The following RGS20 variants were observed in gnomAD, a reference collection of about 807,000 sequenced individuals.
RGS20 encodes regulator of G protein signaling 20.
A neutral mutation model predicts 33.6 loss-of-function variants in RGS20; 30 were observed. The observed-to-expected ratio is 0.89, with a 90% CI of 0.67 to 1.21. The LOEUF is 1.21. RGS20 is among the 50% of genes most tolerant of loss of function. The pLI is 0.00. For missense variants in RGS20, 472 were observed against 502.4 expected, an observed-to-expected ratio of 0.94 and a Z score of 0.58; for synonymous variants, 208 against 197.9, an observed-to-expected ratio of 1.05 and a Z score of -0.43.
In RGS20 at chr8:53,946,613, C is replaced by A. The variant is rs934033528; in HGVS notation, c.660-52C>A. 42 of 1,412,546 alleles carry A rather than the reference C, an allele frequency of 3.0e-5. No individual in the cohort carries two copies. In the Admixed American group the frequency reaches 7.3e-4, roughly 24 times the overall value. The allele number at this position is 1,412,546 out of a possible 1,614,324, so 87.5% of individuals were successfully genotyped here. ...TCTCTTTAAAGTATTTGTAAAAAAT[C>A]TTTTCTTGGCAGGGACTGAGCTGTC... On this transcript the variant is annotated intron_variant, in intron 3 of 5. Transcript: ENST00000297313.
chr8:53,906,773 A>T (rs146856003), intron 2 of RGS20, among the ~76,000 whole-genome samples: 204 of 152,342 alleles, frequency 1.3e-3, no homozygotes, highest in African/African-American at 4.4e-3. Flanking sequence ...TTTGTTCTTA[A>T]TGTGGAACAG....
intron 2 of RGS20, among the ~76,000 whole-genome samples, chr8:53,931,105 C>T (rs1384936984): frequency 6.6e-6 from 1 of 152,162 alleles, no homozygotes; most frequent in African/African-American, 2.4e-5. Context: ...CTGCCTCCAC[C>T]TTTTGGCTAA....
At chr8:53,941,221 C>T (rs1814288016) in intron 3 of RGS20, among the ~76,000 whole-genome samples, 1 of 152,178 alleles carries the variant, frequency 6.6e-6, no homozygotes, top group Non-Finnish European at 1.5e-5. Flanking sequence ...AAGACACTAT[C>T]ATCACCATCA....
intron 1 of RGS20, among the ~76,000 whole-genome samples, chr8:53,864,454 C>CA (rs1271350197): frequency 6.7e-6 from 1 of 148,798 alleles, no homozygotes; most frequent in African/African-American, 2.5e-5. Context: ...AAAAAAAACT[C>CA]AGATACTTTG....
At chr8:53,889,493 G>T (rs568871974) in intron 2 of RGS20, among the ~76,000 whole-genome samples, 2 of 124,658 alleles carry the variant, frequency 1.6e-5, no homozygotes, top group East Asian at 2.5e-4. Flanking sequence ...GAAGGCAGTG[G>T]CACAATTAGC....
intron 2 of RGS20, among the ~76,000 whole-genome samples, chr8:53,915,099 G>A (rs545415431): frequency 4.6e-5 from 7 of 151,676 alleles, no homozygotes; most frequent in South Asian, 2.1e-4. Flanking sequence ...AGCCGAGATC[G>A]CGCCACTGCA....
intron 1 of RGS20, among the ~76,000 whole-genome samples, chr8:53,854,098 A>C (rs1811623163): frequency 6.6e-6 from 1 of 152,210 alleles, no homozygotes; most frequent in Non-Finnish European, 1.5e-5. Context: ...ACATGGGCTT[A>C]AATTTACAAC....
chr8:53,879,936 C>A, intron 2 of RGS20: 1 of 295,918 alleles, frequency 3.4e-6, no homozygotes. Flanking sequence ...TACTCCGAGC[C>A]TCCCCCAAAC....
At chr8:53,908,367 C>T (rs1026068690) in intron 2 of RGS20, among the ~76,000 whole-genome samples, 12 of 152,068 alleles carry the variant, frequency 7.9e-5, no homozygotes, top group African/African-American at 1.9e-4. Flanking sequence ...CTGCTGGGAG[C>T]GGTGATTCAT....
rs1812279737 is a variant in RGS20 at position 53,879,270 on chromosome 8, G to A, written c.178G>A (p.Ala60Thr). 2 of 1,613,724 alleles carry A rather than the reference G, an allele frequency of 1.2e-6. No homozygotes were observed. Among genetic ancestry groups the A allele is most frequent in the African/African-American group, 1.3e-5 (1 of 74,998 alleles). Residue 60 changes from alanine (A) to threonine (T), a missense_variant, in exon 2 of 6, where the codon GCA (alanine) becomes ACA (threonine). Ala to Thr is a moderately conservative substitution (Grantham distance 58). Coordinates refer to ENST00000297313, the MANE Select transcript of RGS20 (RefSeq NM_170587.4). The stretch of plus-strand genomic sequence containing the variant: ...CTCCCCACCCCAGTCCTTCCCGCCT[G>A]CACAGCTCCCAGACTCGCCCGCCGC...
At chr8:53,898,368 C>G (rs976188198) in intron 2 of RGS20, among the ~76,000 whole-genome samples, 2 of 152,126 alleles carry the variant, frequency 1.3e-5, no homozygotes, top group Non-Finnish European at 2.9e-5. Flanking sequence ...GGAGTGTTAC[C>G]CTTTTTCTTT....
At chr8:53,878,566 T>C (rs940263524) in intron 1 of RGS20, among the ~76,000 whole-genome samples, 1 of 152,162 alleles carries the variant, frequency 6.6e-6, no homozygotes, top group Non-Finnish European at 1.5e-5. Context: ...GGTTCACTTG[T>C]AGTAGCAGCC....
chr8:53,861,857 C>T (rs1411997919), intron 1 of RGS20, among the ~76,000 whole-genome samples: 1 of 152,164 alleles, frequency 6.6e-6, no homozygotes, highest in Admixed American at 6.5e-5. Context: ...ATTATTTTTA[C>T]CAACTTATTA....
intron 4 of RGS20, among the ~76,000 whole-genome samples, chr8:53,951,428 G>T (rs1273676974): frequency 2.0e-5 from 3 of 152,074 alleles, no homozygotes; most frequent in Non-Finnish European, 4.4e-5. Context: ...GGTTGAGGCT[G>T]CAGTGAGCCA....
intron 2 of RGS20, among the ~76,000 whole-genome samples, chr8:53,920,260 A>T (rs1813604184): frequency 6.6e-6 from 1 of 152,052 alleles, no homozygotes; most frequent in African/African-American, 2.4e-5. Flanking sequence ...TTTATTTCTA[A>T]TTATTTTATT....
intron 1 of RGS20, among the ~76,000 whole-genome samples, chr8:53,862,110 G>A (rs1456710481): frequency 6.6e-6 from 1 of 152,150 alleles, no homozygotes; most frequent in East Asian, 1.9e-4. Context: ...TAGAAGTTAA[G>A]AGAAGTTTGC....
intron 2 of RGS20, 95 bp from the exon 1 acceptor site, chr8:53,880,777 T>C (rs1345145150): frequency 6.8e-6 from 8 of 1,175,298 alleles, no homozygotes; most frequent in East Asian, 3.3e-5. Context: ...GGGGTACCCC[T>C]AGCACCCGCG....
intron 2 of RGS20, among the ~76,000 whole-genome samples, chr8:53,919,596 T>C (rs60060985): frequency 0.048 from 7,177 of 150,936 alleles, 456 homozygotes; most frequent in African/African-American, 0.14. Context: ...TTTTTTCTTT[T>C]TTTTTTTTTT....
At chr8:53,866,482 T>A (rs1049687637) in intron 1 of RGS20, among the ~76,000 whole-genome samples, 7 of 151,948 alleles carry the variant, frequency 4.6e-5, no homozygotes, top group Non-Finnish European at 8.8e-5. Flanking sequence ...GTTCAAGCAA[T>A]TCTCCTGCCT....
Sources: allele counts gnomAD v4.1 joint callset (sites outside exome capture counted in the v4.1 genomes callset), GRCh38; gene constraint gnomAD v4.1.1; transcripts MANE v1.5; gene names NCBI Gene and HGNC (gene_info 2026-07-23, HGNC 2026-07-21).